IQSEC3: variants seen among roughly 807,000 people sequenced by gnomAD.
The protein encoded by IQSEC3 is IQ motif and Sec7 domain ArfGEF 3.
Under a neutral mutation model 105.4 loss-of-function variants are expected in IQSEC3, and 50 were observed. The observed-to-expected ratio is 0.47, with a 90% CI of 0.38 to 0.60. The LOEUF is 0.60. Among genes scored for constraint, IQSEC3 ranks in the 20% least tolerant of loss-of-function variants. The pLI is 0.00. For missense variants in IQSEC3, 1,415 were observed against 1,630.0 expected, an observed-to-expected ratio of 0.87 and a Z score of 2.27; for synonymous variants, 708 against 746.0, an observed-to-expected ratio of 0.95 and a Z score of 0.83.
chr12:166,244 C>T (rs180978886), intron 11 of IQSEC3: 11 of 275,616 alleles, frequency 4.0e-5, no homozygotes, highest in East Asian at 3.6e-4. Context: ...CCCACCAAAC[C>T]GTCTGCTGTC....
chr12:156,482 TG>T (rs1321564096), intron 5 of IQSEC3, among the ~76,000 whole-genome samples: 10 of 150,672 alleles, frequency 6.6e-5, no homozygotes, highest in Admixed American at 2.0e-4. Context: ...GGGGCAGCTG[TG>T]GGGAGCTGGG....
chr12:177,113 C>T lies in IQSEC3; in HGVS notation c.*2080C>T, dbSNP rs1425366882. 2.6e-5 allele frequency: 4 copies of T among 152,374 alleles called. No individual in the cohort carries two copies. The highest frequency in any genetic ancestry group is 9.7e-5 in the African/African-American group (4 of 41,430). The allele number at this position is 152,374 out of a possible 1,614,324, so 9.4% of individuals were successfully genotyped here. On this transcript the variant is annotated 3_prime_UTR_variant, in exon 14 of 14. Coordinates refer to ENST00000538872, the MANE Select transcript of IQSEC3 (RefSeq NM_001170738.2). The surrounding 1 kb of genome is among the most constrained non-coding windows in gnomAD (Gnocchi z 5.3). ...TGGGGGCCAGGGACACTCTCCCAGA[C>T]AGCCCTGACCCGCCAGGCAGGACCC...
intron 11 of IQSEC3, 61 bp from the exon 12 acceptor site, chr12:168,952 C>T: frequency 7.1e-7 from 1 of 1,403,138 alleles, no homozygotes; most frequent in Non-Finnish European, 1.0e-6. Context: ...TCATTTCCTG[C>T]CTCGCCTCTG....
intron 1 of IQSEC3, among the ~76,000 whole-genome samples, chr12:74,653 G>C: frequency 6.6e-6 from 1 of 152,394 alleles, no homozygotes; most frequent in South Asian, 2.1e-4. Context: ...AGGGCCCCGT[G>C]CTCTGTGCTG....
chr12:160,950 C>T (rs1299420041), intron 7 of IQSEC3, among the ~76,000 whole-genome samples: 3 of 152,196 alleles, frequency 2.0e-5, no homozygotes, highest in Admixed American at 6.5e-5. Flanking sequence ...ATGCAGCCTG[C>T]CACCTTGAAC....
chr12:140,223 T>C (rs898033427), intron 4 of IQSEC3: 10 of 152,226 alleles, frequency 6.6e-5, no homozygotes, highest in Admixed American at 6.5e-4. Context: ...GGGAAGTAGC[T>C]ACTGTTCATA....
rs1867145117 is a variant in IQSEC3, at chr12:165,804, T to C, written c.2885T>C (p.Leu962Pro). ...EKKQVLHFCA[L>P]GSDEMQKFVE... ...AAGCAGGTGCTGCATTTCTGTGCCCTGGGCTCGGACGAGATGCAGAAGTTC... is the reference window on the plus strand; with the variant it reads ...AAGCAGGTGCTGCATTTCTGTGCCCCGGGCTCGGACGAGATGCAGAAGTTC... The change falls in exon 11 of 14, where the codon CTG becomes CCG. Residue 962 changes from leucine to proline, a missense_variant. Physicochemically the swap from Leu to Pro is moderately conservative, Grantham distance 98. Coordinates refer to ENST00000538872, the MANE Select transcript of IQSEC3 (RefSeq NM_001170738.2). The C allele has an allele frequency of 9.9e-6, 16 of 1,614,056 alleles. No individual in the cohort carries two copies. The highest frequency in any genetic ancestry group is 1.3e-5 in the Non-Finnish European group (15 of 1,180,036).
intron 2 of IQSEC3, among the ~76,000 whole-genome samples, chr12:102,104 C>T (rs1298369878): frequency 6.6e-6 from 1 of 150,482 alleles, no homozygotes; most frequent in African/African-American, 2.5e-5. Flanking sequence ...TCTGGCTCCT[C>T]CCCCATCAGT....
chr12:105,100 T>C (rs1191756146), intron 2 of IQSEC3, among the ~76,000 whole-genome samples: 1 of 152,058 alleles, frequency 6.6e-6, no homozygotes, highest in Non-Finnish European at 1.5e-5. Context: ...GCCCTCGGCT[T>C]CCCCCACAGG....
intron 1 of IQSEC3, among the ~76,000 whole-genome samples, chr12:85,821 G>C (rs1372073231): frequency 7.9e-5 from 12 of 152,198 alleles, no homozygotes; most frequent in African/African-American, 2.9e-4. Flanking sequence ...GTACTGCCTT[G>C]AGCGTGTGTT....
intron 3 of IQSEC3, among the ~76,000 whole-genome samples, chr12:129,332 TG>T (rs1555084368): frequency 6.6e-6 from 1 of 152,194 alleles, no homozygotes; most frequent in Non-Finnish European, 1.5e-5. Context: ...TGCACAGTCT[TG>T]GGCACCTAGG....
intron 12 of IQSEC3, 131 bp from the exon 13 acceptor site, chr12:170,981 C>A: frequency 2.7e-6 from 3 of 1,125,614 alleles, no homozygotes; most frequent in Non-Finnish European, 3.9e-6. Context: ...AGTGGGGCTC[C>A]CAACCTCCGC....
intron 3 of IQSEC3, among the ~76,000 whole-genome samples, chr12:129,742 G>A (rs1555084458): frequency 2.0e-5 from 3 of 152,104 alleles, no homozygotes; most frequent in African/African-American, 7.2e-5. Context: ...GAGGGCTGTG[G>A]AGTTGCAGTC....
intron 1 of IQSEC3, among the ~76,000 whole-genome samples, chr12:78,012 C>T (rs1245183029): frequency 1.3e-5 from 2 of 151,486 alleles, no homozygotes; most frequent in African/African-American, 2.4e-5. Flanking sequence ...ACCTGCACCC[C>T]GGCGCGGGGA....
chr12:74,806 T>C (rs1364242190), intron 1 of IQSEC3, among the ~76,000 whole-genome samples: 2 of 152,294 alleles, frequency 1.3e-5, no homozygotes, highest in East Asian at 3.8e-4. Flanking sequence ...AAGATTCTCA[T>C]TTGGCAAATG....
At chr12:73,552 C>T (rs1489037266) in intron 1 of IQSEC3, among the ~76,000 whole-genome samples, 4 of 152,304 alleles carry the variant, frequency 2.6e-5, no homozygotes, top group South Asian at 4.1e-4. Context: ...CCATAGTAGT[C>T]CCAGCTACTC....
intron 13 of IQSEC3, among the ~76,000 whole-genome samples, chr12:173,540 C>T (rs1939117236): frequency 6.6e-6 from 1 of 152,272 alleles, no homozygotes; most frequent in South Asian, 2.1e-4. Context: ...GGTACCTCCC[C>T]TGCAGCTTCC....
At chr12:112,387 A>T (rs1864920846) in intron 2 of IQSEC3, among the ~76,000 whole-genome samples, 1 of 152,122 alleles carries the variant, frequency 6.6e-6, no homozygotes, top group Non-Finnish European at 1.5e-5. Context: ...TTTCTTCTGT[A>T]GTTTGCTGAC....
chr12:125,513 C>T (rs1287831988), intron 2 of IQSEC3, 120 bp from the exon 3 acceptor site: 3 of 1,036,136 alleles, frequency 2.9e-6, no homozygotes, highest in African/African-American at 3.4e-5. Context: ...AAGACACCCC[C>T]TCCAGTCCTT....
Sources: allele counts gnomAD v4.1 joint callset (sites outside exome capture counted in the v4.1 genomes callset), GRCh38; gene constraint gnomAD v4.1.1; non-coding constraint Gnocchi (gnomAD v3.1); transcripts MANE v1.5; gene names NCBI Gene and HGNC (gene_info 2026-07-23, HGNC 2026-07-21).